The following ASB15 variants were observed in gnomAD, a reference collection of about 807,000 sequenced individuals.
ASB15 encodes ankyrin repeat and SOCS box protein 15.
ASB15 carries 54 observed loss-of-function variants against 58.0 expected under a neutral mutation model. That is an observed-to-expected ratio of 0.93 (90% CI 0.75 to 1.17). The LOEUF (loss-of-function observed/expected upper bound fraction) is 1.17. Among genes scored for constraint, ASB15 ranks in the 50% most tolerant of loss-of-function variants. The pLI is 0.00. For synonymous variants in ASB15, 249 were observed against 262.4 expected (o/e 0.95, Z 0.50); for missense variants, 680 against 707.4 (o/e 0.96, Z 0.44).
At chr7:123,587,520 T>G (rs1799408941) in intron 1 of ASB15, among the ~76,000 whole-genome samples, 1 of 151,632 alleles carries the variant, frequency 6.6e-6, no homozygotes, top group African/African-American at 2.4e-5. Context: ...CCTTTTCTAT[T>G]TGGATGCCTT....
At chr7:123,582,906 C>T (rs948558755) in intron 1 of ASB15, among the ~76,000 whole-genome samples, 68 of 151,980 alleles carry the variant, frequency 4.5e-4, no homozygotes, top group Middle Eastern at 3.4e-3. Context: ...TCATTTAGAA[C>T]GCTCAGAAAT....
chr7:123,570,828 C>G (rs1798890253), intron 1 of ASB15, among the ~76,000 whole-genome samples: 1 of 152,144 alleles, frequency 6.6e-6, no homozygotes, highest in Non-Finnish European at 1.5e-5. Context: ...AGTTCTTTTT[C>G]TAACAAATTT....
chr7:123,623,868 A>AG (rs1801506863), intron 7 of ASB15, among the ~76,000 whole-genome samples: 1 of 113,844 alleles, frequency 8.8e-6, no homozygotes, highest in African/African-American at 3.6e-5. Context: ...TGTCTCAAAA[A>AG]AAAAAAAAGA....
chr7:123,623,229 T>C (rs950320662), intron 7 of ASB15: 1 of 152,018 alleles, frequency 6.6e-6, no homozygotes, highest in Non-Finnish European at 1.5e-5. Flanking sequence ...AGGAAATGAG[T>C]GAGTGAATGA....
chr7:123,635,143 T>G (rs1802351618), intron 11 of ASB15, among the ~76,000 whole-genome samples: 1 of 152,184 alleles, frequency 6.6e-6, no homozygotes, highest in Admixed American at 6.5e-5. Context: ...GATAGTGCAC[T>G]TAGATGATGA....
chr7:123,580,301 A>T (rs1799191391), intron 1 of ASB15, among the ~76,000 whole-genome samples: 1 of 152,004 alleles, frequency 6.6e-6, no homozygotes, highest in Non-Finnish European at 1.5e-5. Flanking sequence ...TCTCTGTTGC[A>T]CTGCTTTTTA....
At chr7:123,623,807 T>C (rs538786815) in intron 7 of ASB15, among the ~76,000 whole-genome samples, 1 of 146,956 alleles carries the variant, frequency 6.8e-6, no homozygotes, top group African/African-American at 2.5e-5. Context: ...GAGGTTGCAG[T>C]GAGCTGAGAT....
chr7:123,584,378 A>G (rs1290281865), intron 1 of ASB15, among the ~76,000 whole-genome samples: 1 of 151,620 alleles, frequency 6.6e-6, no homozygotes, highest in East Asian at 1.9e-4. Context: ...CAGAAATTAG[A>G]GTATCTGAGG....
intron 9 of ASB15, 58 bp downstream of exon 9, chr7:123,627,339 G>A (rs944545451): frequency 1.4e-6 from 2 of 1,425,224 alleles, no homozygotes; most frequent in Non-Finnish European, 1.9e-6. Context: ...TGTATATACA[G>A]TATAATCACA....
At chr7:123,631,302 GT>G (rs1802102880) in intron 11 of ASB15, among the ~76,000 whole-genome samples, 1 of 152,122 alleles carries the variant, frequency 6.6e-6, no homozygotes, top group Non-Finnish European at 1.5e-5. Flanking sequence ...TGCATATAAG[GT>G]GGTAGTGTCT....
At chr7:123,603,372 T>G (rs1181975110) in intron 1 of ASB15, among the ~76,000 whole-genome samples, 2 of 152,208 alleles carry the variant, frequency 1.3e-5, no homozygotes, top group African/African-American at 2.4e-5. Flanking sequence ...GTCTTTTTGA[T>G]TAGCAGAGCA....
chr7:123,584,356 T>A (rs1045171396), intron 1 of ASB15, among the ~76,000 whole-genome samples: 1 of 150,276 alleles, frequency 6.7e-6, no homozygotes, highest in South Asian at 2.1e-4. Context: ...GAAGTTTTAA[T>A]GTCCTGATGC....
At chr7:123,600,067 A>C (rs1020289841), upstream of ASB15, among the ~76,000 whole-genome samples, 5 of 152,196 alleles carry the variant, frequency 3.3e-5, no homozygotes, top group African/African-American at 1.2e-4. Flanking sequence ...TTGTGTGTGC[A>C]TAGATGACTA....
chr7:123,632,599 T>A (rs77587160), intron 11 of ASB15, among the ~76,000 whole-genome samples: 1,858 of 151,702 alleles, frequency 0.012, 17 homozygotes, highest in Non-Finnish European at 0.02. Flanking sequence ...TGACCCACCC[T>A]TCCCCCTGAG....
chr7:123,611,521 C>T (rs945624453), intron 3 of ASB15, among the ~76,000 whole-genome samples: 1 of 152,100 alleles, frequency 6.6e-6, no homozygotes, highest in Admixed American at 6.5e-5. Flanking sequence ...TGGTCTCGAT[C>T]TCCTGACCTC....
intron 3 of ASB15, among the ~76,000 whole-genome samples, chr7:123,611,444 G>A (rs189574291): frequency 0.017 from 2,608 of 151,648 alleles, 77 homozygotes; most frequent in African/African-American, 0.059. Flanking sequence ...ACAGGCGCCC[G>A]CCACCGTACC....
Position 123,567,891 on chromosome 7 carries a change from T to A in ASB15, c.-443+803T>A, listed in dbSNP as rs534966063. On this transcript the variant is annotated intron_variant, in intron 1 of 13. Coordinates refer to the ASB15 transcript ENST00000451558. Reference sequence around the variant, plus strand: ...AATATTCAAATTCCAATCACTTGGATGTTATCCATCTCTTGTGCCTCCATC... The same window carrying A: ...AATATTCAAATTCCAATCACTTGGAAGTTATCCATCTCTTGTGCCTCCATC... 2.9e-4 allele frequency among the ~76,000 whole-genome samples: 44 copies of A among 152,306 alleles called. 1 individual carries two copies. The highest frequency in any genetic ancestry group is 1.1e-3 in the African/African-American group (44 of 41,570).
chr7:123,631,247 A>G (rs1286637155), intron 11 of ASB15, among the ~76,000 whole-genome samples: 2 of 152,220 alleles, frequency 1.3e-5, no homozygotes, highest in African/African-American at 4.8e-5. Context: ...TAGATGTAAG[A>G]TAGTATTAAC....
chr7:123,598,933 A>T (rs1584750521), upstream of ASB15: 1 of 152,156 alleles, frequency 6.6e-6, no homozygotes, highest in East Asian at 1.9e-4. Flanking sequence ...CAGTTGTTTG[A>T]TTTTCAGTCT....
Sources: gnomAD v4.1 joint callset for allele counts (sites outside exome capture counted in the v4.1 genomes callset) on GRCh38, gnomAD v4.1.1 for gene constraint, MANE v1.5 for transcripts, NCBI Gene and HGNC (gene_info 2026-07-23, HGNC 2026-07-21) for gene names.